COX7A2L: variants seen among roughly 807,000 people sequenced by gnomAD.
COX7A2L encodes the protein cytochrome c oxidase subunit 7A2 like, also known as cytochrome c oxidase subunit 7A2-like, mitochondrial.
A neutral mutation model predicts 14.2 loss-of-function variants in COX7A2L; 18 were observed. The observed-to-expected ratio is 1.27, with a 90% CI of 0.88 to 1.88. The LOEUF (loss-of-function observed/expected upper bound fraction) is 1.88. COX7A2L is among the 40% of genes most tolerant of loss of function. The pLI, the probability that COX7A2L is intolerant of heterozygous loss-of-function variation, is 0.00. For missense variants in COX7A2L, 179 were observed against 138.8 expected, an observed-to-expected ratio of 1.29 and a Z score of -1.46; for synonymous variants, 65 against 57.4, an observed-to-expected ratio of 1.13 and a Z score of -0.60.
At chr2:42,349,256 TTGAA>T (rs1670563976), downstream of COX7A2L, 1 of 152,242 alleles carries the variant, frequency 6.6e-6, no homozygotes, top group Admixed American at 6.5e-5. Flanking sequence ...ACCCATTCGA[TTGAA>T]TACTATTCAG....
Position 42,342,935 on chromosome 2 carries a change from G to A in COX7A2L, c.193-9066C>T, listed in dbSNP as rs1670429091. Reference sequence around the variant, plus strand: ...CAGTGCCGCACCCGGGCACCGTGGAGCCACAGAGGTCAGGAGGCCTGATTC... The same window carrying A: ...CAGTGCCGCACCCGGGCACCGTGGAACCACAGAGGTCAGGAGGCCTGATTC... On this transcript the variant is annotated intron_variant, in intron 2 of 2. Transcript: ENST00000468711. The surrounding 1 kb of genome is among the most constrained non-coding windows in gnomAD (Gnocchi z 4.9). Among the ~76,000 whole-genome samples the A allele has an allele frequency of 6.6e-6, 1 of 152,090 alleles. No homozygotes were observed. The highest frequency in any genetic ancestry group is 1.5e-5 in the Non-Finnish European group (1 of 68,004).
At chr2:42,368,088 G>T (rs1417280223) in intron 1 of COX7A2L, among the ~76,000 whole-genome samples, 1 of 152,252 alleles carries the variant, frequency 6.6e-6, no homozygotes, top group Admixed American at 6.5e-5. Flanking sequence ...TGCAGAGCCT[G>T]TAAATCTGCC....
At chr2:42,361,379 G>C (rs1671045704), upstream of COX7A2L, 1 of 515,362 alleles carries the variant, frequency 1.9e-6, no homozygotes, top group Non-Finnish European at 3.5e-6. Context: ...CCAGCTCTAA[G>C]AGAGCACGCA....
At chr2:42,360,963 T>G in intron 1 of COX7A2L, 127 bp downstream of exon 1, 1 of 933,950 alleles carries the variant, frequency 1.1e-6, no homozygotes, top group Non-Finnish European at 1.7e-6. Context: ...CCCCGGGAGG[T>G]GCAAGGAGAA....
At chr2:42,358,818 G>C (rs778861946) in intron 1 of COX7A2L, among the ~76,000 whole-genome samples, 9 of 152,042 alleles carry the variant, frequency 5.9e-5, no homozygotes, top group Non-Finnish European at 8.8e-5. Flanking sequence ...ACAAAACCTA[G>C]ATTATGCTGA....
At chr2:42,341,294 C>G (rs761705509) in intron 2 of COX7A2L, among the ~76,000 whole-genome samples, 6 of 152,158 alleles carry the variant, frequency 3.9e-5, no homozygotes, top group Non-Finnish European at 8.8e-5. Flanking sequence ...GCCACCCACA[C>G]CTAAGGCATA....
chr2:42,356,580 A>G, intron 1 of COX7A2L, among the ~76,000 whole-genome samples: 1 of 152,268 alleles, frequency 6.6e-6, no homozygotes, highest in Non-Finnish European at 1.5e-5. Flanking sequence ...ATTTGATGGC[A>G]GGGCATCCAC....
At chr2:42,337,519 G>A (rs1464497076) in intron 2 of COX7A2L, among the ~76,000 whole-genome samples, 1 of 135,384 alleles carries the variant, frequency 7.4e-6, no homozygotes, top group African/African-American at 2.8e-5. Flanking sequence ...CAGTGACGAT[G>A]AGTAGGATGG....
downstream of COX7A2L, among the ~76,000 whole-genome samples, chr2:42,347,052 G>C (rs1184391533): frequency 1.3e-5 from 2 of 152,050 alleles, no homozygotes; most frequent in East Asian, 3.9e-4. Flanking sequence ...TTTTTGTAGA[G>C]ACAAGGTTTC....
chr2:42,363,064 T>C (rs930902829), upstream of COX7A2L, among the ~76,000 whole-genome samples: 2 of 151,800 alleles, frequency 1.3e-5, no homozygotes, highest in African/African-American at 2.4e-5. Flanking sequence ...TTAGTAGAGA[T>C]GGGGTTTCAC....
rs1670362183 is a variant in COX7A2L at position 42,339,687 on chromosome 2, C to A, written c.193-5818G>T. On this transcript the variant is annotated intron_variant, in intron 2 of 2. Transcript: ENST00000468711. The surrounding 1 kb of genome is among the most constrained non-coding windows in gnomAD (Gnocchi z 5.4). ...GCAGAATCTCAGCGCATTGTGCACA[C>A]ATATACACCCACACAGCCACCCCTG... is the stretch of plus-strand genomic sequence containing the variant. 6.6e-6 allele frequency among the ~76,000 whole-genome samples: 1 copy of A among 152,146 alleles called. No individual in the cohort carries two copies. The highest frequency in any genetic ancestry group is 2.1e-4 in the South Asian group (1 of 4,838).
chr2:42,363,829 C>A (rs1045201294), upstream of COX7A2L, among the ~76,000 whole-genome samples: 1 of 152,164 alleles, frequency 6.6e-6, no homozygotes, highest in Admixed American at 6.5e-5. Flanking sequence ...AGAAGCTTGC[C>A]AATCACCAGG....
intron 2 of COX7A2L, 81 bp downstream of exon 2, chr2:42,353,131 A>G: frequency 6.6e-7 from 1 of 1,523,366 alleles, no homozygotes; most frequent in Admixed American, 2.1e-5. Flanking sequence ...GTAGTAAACT[A>G]GATTAAGATT....
At chr2:42,367,690 A>G (rs1275856569) in intron 1 of COX7A2L, among the ~76,000 whole-genome samples, 1 of 152,200 alleles carries the variant, frequency 6.6e-6, no homozygotes, top group Non-Finnish European at 1.5e-5. Context: ...TGTGCCCTCC[A>G]CTGACCACCG....
intron 2 of COX7A2L, among the ~76,000 whole-genome samples, chr2:42,337,387 T>TTGA (rs1234312765): frequency 6.6e-6 from 1 of 152,134 alleles, no homozygotes; most frequent in African/African-American, 2.4e-5. Flanking sequence ...CTGCATCCCA[T>TTGA]TGATACACCA....
chr2:42,336,556 TGTGCC>T (rs1670278251), intron 2 of COX7A2L, among the ~76,000 whole-genome samples: 1 of 152,130 alleles, frequency 6.6e-6, no homozygotes, highest in South Asian at 2.1e-4. Context: ...ACCAAGCCCT[TGTGCC>T]TCCTAGGAAA....
At chr2:42,365,313 A>C (rs1439618244), upstream of COX7A2L, among the ~76,000 whole-genome samples, 2 of 152,240 alleles carry the variant, frequency 1.3e-5, no homozygotes, top group Non-Finnish European at 2.9e-5. Context: ...TGAGTTCTGT[A>C]AGCCCACATA....
At chr2:42,367,900 T>C (rs1013193143) in intron 1 of COX7A2L, among the ~76,000 whole-genome samples, 6 of 152,248 alleles carry the variant, frequency 3.9e-5, no homozygotes, top group African/African-American at 1.4e-4. Flanking sequence ...TCCTCTTCCC[T>C]GGCACCACTC....
At chr2:42,360,636 T>C (rs1177358094) in intron 1 of COX7A2L, among the ~76,000 whole-genome samples, 1 of 152,118 alleles carries the variant, frequency 6.6e-6, no homozygotes, top group Non-Finnish European at 1.5e-5. Flanking sequence ...CCCTGCACCA[T>C]GGTTTCTCTA....
Sources: allele counts gnomAD v4.1 joint callset (sites outside exome capture counted in the v4.1 genomes callset), GRCh38; gene constraint gnomAD v4.1.1; non-coding constraint Gnocchi (gnomAD v3.1); transcripts MANE v1.5; gene names NCBI Gene and HGNC (gene_info 2026-07-23, HGNC 2026-07-21).